Variants in KCNG2 observed in about 807,000 individuals in gnomAD.
KCNG2 encodes potassium voltage-gated channel modifier subfamily G member 2.
A neutral mutation model predicts 12.3 loss-of-function variants in KCNG2; 7 were observed. The observed-to-expected ratio is 0.57, with a 90% confidence interval of 0.32 to 1.07. The LOEUF is 1.07. Among genes scored for constraint, KCNG2 ranks in the 50% least tolerant of loss-of-function variants. The probability of loss-of-function intolerance (pLI) is 0.04; values close to 1 mark genes in which losing one functional copy is unlikely to be tolerated. For missense variants in KCNG2, 703 were observed against 726.0 expected (o/e 0.97, Z 0.36); for synonymous variants, 414 against 351.4 (o/e 1.18, Z -1.99).
intron 3 of KCNG2, among the ~76,000 whole-genome samples, chr18:79,896,686 G>C (rs185636858): frequency 9.2e-5 from 14 of 152,216 alleles, no homozygotes; most frequent in African/African-American, 3.4e-4. Flanking sequence ...AACACTTTTT[G>C]TGTCGATCCA....
intron 1 of KCNG2, among the ~76,000 whole-genome samples, chr18:79,798,282 G>T (rs907428161): frequency 7.3e-5 from 11 of 151,250 alleles, no homozygotes; most frequent in Non-Finnish European, 1.5e-4. Context: ...CGGGAGTCGA[G>T]GGGGGCGTCG....
intron 1 of KCNG2, among the ~76,000 whole-genome samples, chr18:79,805,592 G>A (rs1442890225): frequency 6.6e-6 from 1 of 151,642 alleles, no homozygotes; most frequent in Admixed American, 6.6e-5. Flanking sequence ...GTGGCTTCCT[G>A]TCTACTGTTT....
At chr18:79,860,268 T>G (rs1256089453) in intron 2 of KCNG2, among the ~76,000 whole-genome samples, 1 of 152,208 alleles carries the variant, frequency 6.6e-6, no homozygotes, top group Non-Finnish European at 1.5e-5. Context: ...CCAATAGAAT[T>G]TTCAACTTGT....
chr18:79,811,228 T>A (rs146164910), intron 1 of KCNG2, among the ~76,000 whole-genome samples: 1 of 152,316 alleles, frequency 6.6e-6, no homozygotes, highest in East Asian at 1.9e-4. Context: ...GACAAGCTGA[T>A]GCTAAAATTC....
At position 79,864,127 on chromosome 18, in the gene KCNG2, G is replaced by C. The variant is rs1379372622; in HGVS notation, c.460G>C (p.Gly154Arg). ...CCCGGCGCGCGCCCTGGGACCTCGGGGGCGGCTGCAGCGCGGCCGGCGGCG... is the reference window on the plus strand; with the variant it reads ...CCCGGCGCGCGCCCTGGGACCTCGGCGGCGGCTGCAGCGCGGCCGGCGGCG... ...GSPARALGPR[G>R]RLQRGRRRLR... is the part of the protein sequence containing the mutation. Residue 154 changes from glycine (G) to arginine (R), a missense_variant, in exon 3 of 4, where the codon GGG becomes CGG. Transcript: ENST00000316249. The C allele has an allele frequency of 7.8e-7, 1 of 1,282,536 alleles. No individual in the cohort carries two copies. The highest frequency in any genetic ancestry group is 4.0e-5 in the Admixed American group (1 of 25,276). The allele number at this position is 1,282,536 out of a possible 1,614,324, so 79.4% of individuals were successfully genotyped here. A position where few individuals can be genotyped will look rare whatever the true frequency, so the allele number is the denominator to read the frequency against.
At chr18:79,833,702 A>C (rs1425367321) in intron 1 of KCNG2, among the ~76,000 whole-genome samples, 2 of 152,230 alleles carry the variant, frequency 1.3e-5, no homozygotes, top group Non-Finnish European at 2.9e-5. Context: ...GTATAAATGC[A>C]TGGATAATGA....
At position 79,863,888 on chromosome 18, in the gene KCNG2, G is replaced by C; in HGVS notation, c.221G>C (p.Ser74Thr). ...CGCGACGAGTTCTTCTTCGACCGCA[G>C]CCCGTGCGCCTTCCGCGCCATCGTG... Reference protein sequence around the residue: ...VSRDEFFFDRSPCAFRAIVAL... With the variant: ...VSRDEFFFDRTPCAFRAIVAL... Residue 74 changes from serine (S) to threonine (T), a missense_variant, in exon 3 of 4, where the codon AGC becomes ACC. Physicochemically the swap from Ser to Thr is moderately conservative, Grantham distance 58. Coordinates refer to ENST00000316249, the MANE Select transcript of KCNG2 (RefSeq NM_012283.2). 6.8e-7 allele frequency: 1 copy of C among 1,463,138 alleles called. No homozygotes were observed. Among genetic ancestry groups the C allele is most frequent in the East Asian group, 2.9e-5 (1 of 34,154 alleles). 90.6% of individuals were successfully genotyped at this position (1,463,138 alleles called of 1,614,324 possible).
rs555902951 is a variant in KCNG2 at position 79,846,038 on chromosome 18, C to T, written c.-114-10341C>T. Reference sequence around the variant, plus strand: ...CCCAGGAGGTGGAGCTTGCAGTGACCTGAGATGGCGCCACTGCACTCCAGC... The same window carrying T: ...CCCAGGAGGTGGAGCTTGCAGTGACTTGAGATGGCGCCACTGCACTCCAGC... On this transcript the variant is annotated intron_variant, in intron 1 of 3. Coordinates refer to ENST00000316249, the MANE Select transcript of KCNG2 (RefSeq NM_012283.2). Among the ~76,000 whole-genome samples the T allele has an allele frequency of 1.0e-4, 15 of 146,446 alleles. No individual in the cohort carries two copies. In the South Asian group the frequency reaches 3.2e-3, roughly 32 times the overall value.
In KCNG2 at chr18:79,814,231, C is replaced by T. The variant is rs904054674; in HGVS notation, c.-115+16217C>T. ...CTAAACATGTCACTCCCGTATGACC[C>T]AGCAATTGTGATCTTGGGCATTTAT... On this transcript the variant is annotated intron_variant, in intron 1 of 3. Coordinates refer to ENST00000316249, the MANE Select transcript of KCNG2 (RefSeq NM_012283.2). Among the ~76,000 whole-genome samples, 5 of 152,304 alleles carry T rather than the reference C, an allele frequency of 3.3e-5. No homozygotes were observed. In the East Asian group the frequency reaches 7.7e-4, roughly 23 times the overall value.
At chr18:79,813,023 C>T (rs905889085) in intron 1 of KCNG2, among the ~76,000 whole-genome samples, 6 of 150,036 alleles carry the variant, frequency 4.0e-5, no homozygotes, top group Non-Finnish European at 8.9e-5. Flanking sequence ...AGTGTGGTGG[C>T]GGGTGCCTGT....
Position 79,803,413 on chromosome 18 carries a change from C to T in KCNG2, c.-115+5399C>T, listed in dbSNP as rs543350380. ...GATTTAATTTTCCCTTGTTTTCTGC[C>T]AAAAGAAAAGACATCTTCTAGAAGA... On this transcript the variant is annotated intron_variant, in intron 1 of 3. Coordinates refer to ENST00000316249, the MANE Select transcript of KCNG2 (RefSeq NM_012283.2). This position sits in a 1 kb window ranked among gnomAD's most constrained non-coding sequence, Gnocchi z 4.5. Among the ~76,000 whole-genome samples the T allele has an allele frequency of 1.3e-5, 2 of 152,130 alleles. No individual in the cohort carries two copies. Among genetic ancestry groups the T allele is most frequent in the Non-Finnish European group, 2.9e-5 (2 of 68,046 alleles).
At chr18:79,867,632 G>A (rs1001717276) in intron 3 of KCNG2, among the ~76,000 whole-genome samples, 1 of 151,948 alleles carries the variant, frequency 6.6e-6, no homozygotes, top group East Asian at 1.9e-4. Context: ...TGGGCCTGGG[G>A]GTTTGTGTTG....
intron 3 of KCNG2, among the ~76,000 whole-genome samples, chr18:79,873,342 C>T (rs1979927153): frequency 6.6e-6 from 1 of 151,774 alleles, no homozygotes; most frequent in South Asian, 2.1e-4. Flanking sequence ...TGTGTGCTCC[C>T]CGCCTCCCCA....
chr18:79,809,578 C>T lies in KCNG2; in HGVS notation c.-115+11564C>T, dbSNP rs1490607708. 2.5e-5 allele frequency among the ~76,000 whole-genome samples: 3 copies of T among 119,782 alleles called. 1 individual carries two copies. Among genetic ancestry groups the T allele is most frequent in the Non-Finnish European group, 3.7e-5 (2 of 54,086 alleles). The allele number at this position is 119,782 out of a possible 152,430, so 78.6% of individuals were successfully genotyped here. ...CAGAGTCCGCGCTCTGAGGAGCTGC[C>T]GGGGCCTCACTGACCACACTCCACG... On this transcript the variant is annotated intron_variant, in intron 1 of 3. Coordinates refer to ENST00000316249, the MANE Select transcript of KCNG2 (RefSeq NM_012283.2).
At chr18:79,834,789 C>T (rs910763117) in intron 1 of KCNG2, among the ~76,000 whole-genome samples, 2 of 152,224 alleles carry the variant, frequency 1.3e-5, no homozygotes, top group Admixed American at 1.3e-4. Context: ...GAGTCAGCCA[C>T]TCTCCCACAG....
At chr18:79,862,786 C>T (rs1979269435) in intron 2 of KCNG2, among the ~76,000 whole-genome samples, 1 of 152,238 alleles carries the variant, frequency 6.6e-6, no homozygotes, top group Admixed American at 6.5e-5. Context: ...AAGTGGCTGC[C>T]TTTGCACAGA....
chr18:79,900,048 G>A lies in KCNG2; in HGVS notation c.*232G>A, dbSNP rs1981165102. 1.1e-5 allele frequency: 4 copies of A among 368,426 alleles called. No homozygotes were observed. The highest frequency in any genetic ancestry group is 1.4e-4 in the South Asian group (1 of 6,950). 22.8% of individuals were successfully genotyped at this position (368,426 alleles called of 1,614,324 possible). ...GTCCTCCTGCCCCACCCCTTTCCTT[G>A]GATTTTTAATTTTCTACGCCTAGCT... On this transcript the variant is annotated 3_prime_UTR_variant, in exon 4 of 4. Coordinates refer to ENST00000316249, the MANE Select transcript of KCNG2 (RefSeq NM_012283.2).
intron 3 of KCNG2, among the ~76,000 whole-genome samples, chr18:79,898,344 C>G (rs1462702313): frequency 6.6e-6 from 1 of 152,222 alleles, no homozygotes; most frequent in Non-Finnish European, 1.5e-5. Flanking sequence ...TTGGCCTCTC[C>G]TGGCCTGGAA....
rs2123066714 is a variant in KCNG2, at chr18:79,863,696, G to GCGT, written c.31_32insTCG (p.Gly10_Gly11insVal). 8.3e-7 allele frequency: 1 copy of GCGT among 1,206,156 alleles called. No homozygotes were observed. The highest frequency in any genetic ancestry group is 1.0e-6 in the Non-Finnish European group (1 of 971,268). The allele number at this position is 1,206,156 out of a possible 1,614,324, so 74.7% of individuals were successfully genotyped here. The stretch of plus-strand genomic sequence containing the variant: ...GAGCCATGGCCCTGCTCCCCGGGCG[G>GCGT]CGGCGGCGGGACCCGCGCCCGGCAC... On this transcript the variant is annotated inframe_insertion, in exon 3 of 4. Coordinates refer to ENST00000316249, the MANE Select transcript of KCNG2 (RefSeq NM_012283.2).
Sources: allele counts gnomAD v4.1 joint callset (sites outside exome capture counted in the v4.1 genomes callset), GRCh38; gene constraint gnomAD v4.1.1; non-coding constraint Gnocchi (gnomAD v3.1); transcripts MANE v1.5; gene names NCBI Gene and HGNC (gene_info 2026-07-23, HGNC 2026-07-21).